THRB: variants seen among roughly 807,000 people sequenced by gnomAD.
THRB encodes thyroid hormone receptor beta, also known as nuclear receptor subfamily 1 group A member 2.
THRB carries 12 observed loss-of-function variants against 47.8 expected under a neutral mutation model. The observed-to-expected ratio is 0.25, with a 90% confidence interval of 0.16 to 0.41. The LOEUF is 0.41. Among genes scored for constraint, THRB ranks in the 10% least tolerant of loss-of-function variants. THRB has a pLI of 1.00. For missense variants in THRB, 348 were observed against 589.2 expected, an observed-to-expected ratio of 0.59 and a Z score of 4.24; for synonymous variants, 218 against 212.2, an observed-to-expected ratio of 1.03 and a Z score of -0.24.
chr3:24,307,384 T>C (rs1237770390), intron 2 of THRB, among the ~76,000 whole-genome samples: 1 of 152,146 alleles, frequency 6.6e-6, no homozygotes, highest in African/African-American at 2.4e-5. Flanking sequence ...TAGTTTTTTA[T>C]GCATCTGTTT....
chr3:24,350,283 T>A (rs1358191833), intron 1 of THRB, among the ~76,000 whole-genome samples: 1 of 152,084 alleles, frequency 6.6e-6, no homozygotes, highest in African/African-American at 2.4e-5. Context: ...TATAATCATT[T>A]TGACAGTTCT....
At chr3:24,350,831 A>G (rs2063316895) in intron 1 of THRB, among the ~76,000 whole-genome samples, 1 of 152,140 alleles carries the variant, frequency 6.6e-6, no homozygotes. Context: ...TATTTAAGGT[A>G]ATTTCTTTAA....
At position 24,248,252 on chromosome 3, in the gene THRB, C is replaced by T. The variant is rs545720835; in HGVS notation, c.-42-19251G>A. 6.6e-5 allele frequency among the ~76,000 whole-genome samples: 10 copies of T among 152,150 alleles called. No homozygotes were observed. The South Asian group carries it at 1.0e-3, about 16-fold the overall frequency. Reference sequence around the variant, plus strand: ...GAACTGCCCTTGAACCCTAACCCCACGCATTGAGCTATCAGGCTCAACCCC... The same window carrying T: ...GAACTGCCCTTGAACCCTAACCCCATGCATTGAGCTATCAGGCTCAACCCC... On this transcript the variant is annotated intron_variant, in intron 3 of 10. Coordinates refer to ENST00000646209, the MANE Select transcript of THRB (RefSeq NM_001354712.2).
intron 3 of THRB, among the ~76,000 whole-genome samples, chr3:24,262,920 C>G (rs1343627671): frequency 6.6e-6 from 1 of 152,084 alleles, no homozygotes; most frequent in Non-Finnish European, 1.5e-5. Context: ...AGCAGATACT[C>G]AATACATTTA....
At chr3:24,351,510 T>C (rs1243844438) in intron 1 of THRB, among the ~76,000 whole-genome samples, 8 of 152,172 alleles carry the variant, frequency 5.3e-5, no homozygotes, top group Admixed American at 4.6e-4. Context: ...AACAGTGGTA[T>C]GCATTTTGTT....
At chr3:24,424,287 T>C (rs150001648) in intron 1 of THRB, among the ~76,000 whole-genome samples, 1 of 152,018 alleles carries the variant, frequency 6.6e-6, no homozygotes, top group East Asian at 1.9e-4. Context: ...AGGATTCTAA[T>C]ACCTAGCTAA....
intron 1 of THRB, among the ~76,000 whole-genome samples, chr3:24,473,277 G>A (rs546968090): frequency 4.7e-4 from 72 of 152,148 alleles, no homozygotes; most frequent in Admixed American, 6.5e-4. Context: ...GCATTTATTC[G>A]TAGTCTCAGG....
chr3:24,289,449 AT>A (rs377617005), intron 3 of THRB, among the ~76,000 whole-genome samples: 28 of 151,516 alleles, frequency 1.8e-4, no homozygotes, highest in African/African-American at 5.6e-4. Context: ...ATTGCATTCC[AT>A]TTTTTTTTCT....
At chr3:24,480,659 G>A (rs1449791428) in intron 1 of THRB, among the ~76,000 whole-genome samples, 1 of 152,138 alleles carries the variant, frequency 6.6e-6, no homozygotes, top group Non-Finnish European at 1.5e-5. Flanking sequence ...AATGAAACTT[G>A]AATGAATTGC....
In THRB at chr3:24,120,746, C is replaced by G. The variant is rs758742513; in HGVS notation, c.*2138G>C. ...TGGCCAGAGGCTGCCTAGACAAAAC[C>G]AAACCCCAAAACAATCTGTCTGTAG... On this transcript the variant is annotated 3_prime_UTR_variant, in exon 11 of 11. Coordinates refer to ENST00000646209, the MANE Select transcript of THRB (RefSeq NM_001354712.2). The G allele has an allele frequency of 6.6e-6, 1 of 152,220 alleles. No individual in the cohort carries two copies. Among genetic ancestry groups the G allele is most frequent in the Non-Finnish European group, 1.5e-5 (1 of 68,038 alleles). 9.4% of individuals were successfully genotyped at this position (152,220 alleles called of 1,614,324 possible). A position where few individuals can be genotyped will look rare whatever the true frequency, so the allele number is the denominator to read the frequency against.
At chr3:24,152,579 A>C (rs2037133028) in intron 5 of THRB, 89 bp from the exon 6 acceptor site, 1 of 766,048 alleles carries the variant, frequency 1.3e-6, no homozygotes, top group Non-Finnish European at 2.3e-6. Flanking sequence ...CCAGAGACAA[A>C]ATTGGCTTGC....
intron 4 of THRB, among the ~76,000 whole-genome samples, chr3:24,207,381 C>A (rs2045501928): frequency 6.6e-6 from 1 of 152,140 alleles, no homozygotes; most frequent in Non-Finnish European, 1.5e-5. Context: ...ATAAACAGAA[C>A]CAATGACAAA....
At chr3:24,274,913 GTGTACTTATAAAA>G (rs1209165823) in intron 3 of THRB, among the ~76,000 whole-genome samples, 1 of 151,964 alleles carries the variant, frequency 6.6e-6, no homozygotes, top group Non-Finnish European at 1.5e-5. Context: ...TATGAGCTTT[GTGTACTTATAAAA>G]TGTACAATAT....
At chr3:24,460,125 C>T (rs2073562016) in intron 1 of THRB, among the ~76,000 whole-genome samples, 1 of 152,188 alleles carries the variant, frequency 6.6e-6, no homozygotes, top group Admixed American at 6.5e-5. Flanking sequence ...TTATTTAGCA[C>T]ATTTTCTAAA....
chr3:24,121,284 T>A lies in THRB; in HGVS notation c.*1600A>T, dbSNP rs2148767720. 6.5e-6 allele frequency: 1 copy of A among 152,768 alleles called. No homozygotes were observed. The highest frequency in any genetic ancestry group is 2.4e-5 in the African/African-American group (1 of 41,570). 9.5% of individuals were successfully genotyped at this position (152,768 alleles called of 1,614,324 possible). A position where few individuals can be genotyped will look rare whatever the true frequency, so the allele number is the denominator to read the frequency against. Reference sequence around the variant, plus strand: ...ACTAGAACTCAGGCACCCAGACTTCTGGGCCAGTTATGCTCCACCAAACTT... The same window carrying A: ...ACTAGAACTCAGGCACCCAGACTTCAGGGCCAGTTATGCTCCACCAAACTT... On this transcript the variant is annotated 3_prime_UTR_variant, in exon 11 of 11. Coordinates refer to ENST00000646209, the MANE Select transcript of THRB (RefSeq NM_001354712.2).
chr3:24,214,873 G>C (rs888545930), intron 4 of THRB, among the ~76,000 whole-genome samples: 1 of 152,206 alleles, frequency 6.6e-6, no homozygotes, highest in African/African-American at 2.4e-5. Flanking sequence ...GACTGAACAA[G>C]TATTTGTTTG....
intron 4 of THRB, among the ~76,000 whole-genome samples, chr3:24,199,386 T>C (rs2044338223): frequency 6.6e-6 from 1 of 152,258 alleles, no homozygotes; most frequent in South Asian, 2.1e-4. Flanking sequence ...AGCACCTGCC[T>C]ATTAATTTTC....
At chr3:24,476,698 G>T (rs1386668094) in intron 1 of THRB, among the ~76,000 whole-genome samples, 1 of 152,030 alleles carries the variant, frequency 6.6e-6, no homozygotes, top group African/African-American at 2.4e-5. Flanking sequence ...GCCTACATTT[G>T]TTGTTTTTCT....
chr3:24,269,277 CCA>C (rs4024153), intron 3 of THRB, among the ~76,000 whole-genome samples: 12,038 of 140,264 alleles, frequency 0.086, 738 homozygotes, highest in Admixed American at 0.21. Context: ...AATGGATACA[CCA>C]CACACACACA....
Sources: allele counts gnomAD v4.1 joint callset (sites outside exome capture counted in the v4.1 genomes callset), GRCh38; gene constraint gnomAD v4.1.1; transcripts MANE v1.5; gene names NCBI Gene and HGNC (gene_info 2026-07-23, HGNC 2026-07-21).